INTS6L: variants seen among roughly 807,000 people sequenced by gnomAD.
The protein encoded by INTS6L is integrator complex subunit 6 like, also known as integrator complex subunit 6-like.
INTS6L carries 18 observed loss-of-function variants against 64.7 expected under a neutral mutation model. The observed-to-expected ratio is 0.28, with a 90% CI of 0.19 to 0.41. The LOEUF (loss-of-function observed/expected upper bound fraction) is 0.41. Ranked by LOEUF, INTS6L falls within the 10% of genes least tolerant of loss-of-function variation. The pLI is 1.00. For synonymous variants in INTS6L, 227 were observed against 235.9 expected, an observed-to-expected ratio of 0.96 and a Z score of 0.34; for missense variants, 533 against 661.0, an observed-to-expected ratio of 0.81 and a Z score of 2.12.
intron 2 of INTS6L, among the ~76,000 whole-genome samples, chrX:135,522,996 G>A (rs1556498632): frequency 1.8e-5 from 2 of 112,027 alleles, no homozygotes; most frequent in Admixed American, 9.5e-5. Flanking sequence ...GATAAGAACC[G>A]ACCATTTGTA....
At position 135,549,703 on chromosome X, in the gene INTS6L, T is replaced by C; in HGVS notation, c.804T>C (p.Cys268=). The change falls in exon 7 of 18, where the codon TGT becomes TGC. Residue 268 remains cysteine, a synonymous_variant. Coordinates refer to ENST00000639893, the MANE Select transcript of INTS6L (RefSeq NM_001351601.3). ...TTGCTGCTCAGCCATGGCATAGTTGTCATAAACTCATTTATGTACGACCTA... is the reference window on the plus strand; with the variant it reads ...TTGCTGCTCAGCCATGGCATAGTTGCCATAAACTCATTTATGTACGACCTA... The part of the protein sequence containing the change: ...NSFAAQPWHS[C]HKLIYVRPNS... 1 of 1,211,456 alleles carries C rather than the reference T, an allele frequency of 8.3e-7. No homozygotes were observed. The highest frequency in any genetic ancestry group is 1.1e-6 in the Non-Finnish European group (1 of 894,909).
intron 9 of INTS6L, among the ~76,000 whole-genome samples, chrX:135,567,816 A>G (rs1556525522): frequency 8.9e-6 from 1 of 112,116 alleles, no homozygotes; most frequent in Admixed American, 9.5e-5. Flanking sequence ...TTAACAAAAG[A>G]CCTACATTTT....
chrX:135,550,549 C>A (rs1324556959), intron 7 of INTS6L, among the ~76,000 whole-genome samples: 1 of 110,403 alleles, frequency 9.1e-6, no homozygotes, highest in African/African-American at 3.3e-5. Flanking sequence ...AGTAATCTCC[C>A]TTGTGTGGGC....
In INTS6L at chrX:135,520,688, G is replaced by A. The variant is rs1556495345; in HGVS notation, c.-305G>A. The A allele has an allele frequency of 9.8e-6, 3 of 307,370 alleles. No homozygotes were observed. The highest frequency in any genetic ancestry group is 1.7e-5 in the Non-Finnish European group (3 of 174,043). The allele number at this position is 307,370 out of a possible 1,213,427, so 25.3% of individuals were successfully genotyped here. A position where few individuals can be genotyped will look rare whatever the true frequency, so the allele number is the denominator to read the frequency against. The stretch of plus-strand genomic sequence containing the variant: ...CTGGGGCGAGCGCTCTAGTGAGCGC[G>A]GACGGATGCTTAGGCAGTAGTCCTG... On this transcript the variant is annotated 5_prime_UTR_variant, in exon 1 of 18. Coordinates refer to ENST00000639893, the MANE Select transcript of INTS6L (RefSeq NM_001351601.3).
At chrX:135,575,785 A>ATT (rs1556530510) in intron 14 of INTS6L, among the ~76,000 whole-genome samples, 3 of 99,823 alleles carry the variant, frequency 3.0e-5, no homozygotes, top group African/African-American at 1.1e-4. Flanking sequence ...AAATGTGGGG[A>ATT]GTGTGTGTGT....
chrX:135,546,460 T>C lies in INTS6L; in HGVS notation c.420T>C (p.Val140=). 8.6e-7 allele frequency: 1 copy of C among 1,168,631 alleles called. No individual in the cohort carries two copies. Among genetic ancestry groups the C allele is most frequent in the South Asian group, 2.0e-5 (1 of 49,979 alleles). Residue 140 remains valine, a synonymous_variant, in exon 4 of 18, where the codon GTT becomes GTC. Transcript: ENST00000639893. Reference sequence around the variant, plus strand: ...ACAAGTTAACAAGTACTGCTGGTGTTCAAGAAGAGGTGAGATTTTATTTTT... The same window carrying C: ...ACAAGTTAACAAGTACTGCTGGTGTCCAAGAAGAGGTGAGATTTTATTTTT... ...DGNKLTSTAG[V]QEELHLPLNS... is the part of the protein sequence containing the mutation.
At chrX:135,531,036 T>A (rs1235905987) in intron 2 of INTS6L, among the ~76,000 whole-genome samples, 3 of 112,351 alleles carry the variant, frequency 2.7e-5, no homozygotes, top group Non-Finnish European at 5.6e-5. Context: ...AGGATTTGAA[T>A]GCAATTGAAC....
intron 2 of INTS6L, among the ~76,000 whole-genome samples, chrX:135,529,724 G>C (rs2085851830): frequency 1.8e-5 from 2 of 112,050 alleles, no homozygotes; most frequent in Admixed American, 1.9e-4. Flanking sequence ...CTGTATTTCA[G>C]ATATGATTTG....
intron 2 of INTS6L, among the ~76,000 whole-genome samples, chrX:135,542,507 GAAAGAA>G (rs1215406088): frequency 4.7e-5 from 5 of 107,157 alleles, no homozygotes; most frequent in Non-Finnish European, 9.6e-5. Flanking sequence ...CAAAAAAAAG[GAAAGAA>G]AAAGAAAAAG....
At chrX:135,535,994 A>T (rs2086041332) in intron 2 of INTS6L, among the ~76,000 whole-genome samples, 1 of 112,437 alleles carries the variant, frequency 8.9e-6, no homozygotes, top group South Asian at 3.7e-4. Context: ...GTTTTCCTTC[A>T]TTCATTGTGA....
chrX:135,547,741 C>T (rs1434817049), intron 6 of INTS6L, among the ~76,000 whole-genome samples: 9 of 111,844 alleles, frequency 8.0e-5, no homozygotes, highest in African/African-American at 9.8e-5. Context: ...AGTATTTTCC[C>T]GGTCACTTTT....
chrX:135,540,705 G>GCCT (rs1288215147), intron 2 of INTS6L, among the ~76,000 whole-genome samples: 8 of 81,934 alleles, frequency 9.8e-5, no homozygotes, highest in African/African-American at 3.2e-4. Flanking sequence ...TACTATTCAA[G>GCCT]CCTCCTAGCT....
At chrX:135,562,512 G>A (rs987791104) in intron 9 of INTS6L, among the ~76,000 whole-genome samples, 1 of 111,803 alleles carries the variant, frequency 8.9e-6, no homozygotes, top group African/African-American at 3.2e-5. Flanking sequence ...GTGTTAAATT[G>A]TTCCTGTTGG....
intron 13 of INTS6L, 49 bp downstream of exon 13, chrX:135,574,111 C>A: frequency 2.6e-6 from 3 of 1,135,395 alleles, no homozygotes; most frequent in Non-Finnish European, 3.5e-6. Context: ...AAATGCCAGG[C>A]ATGACTTACA....
intron 2 of INTS6L, among the ~76,000 whole-genome samples, chrX:135,521,770 A>C (rs5974535): frequency 9.5e-6 from 1 of 104,925 alleles, no homozygotes; most frequent in East Asian, 3.2e-4. Flanking sequence ...GGGGGGCCGG[A>C]CGGAGCCTGC....
chrX:135,537,437 G>C (rs782684976), intron 2 of INTS6L, among the ~76,000 whole-genome samples: 46 of 112,183 alleles, frequency 4.1e-4, no homozygotes, highest in African/African-American at 1.1e-3. Flanking sequence ...ACATAAGTCT[G>C]ATTTATATTA....
chrX:135,531,268 C>A (rs1385611062), intron 2 of INTS6L, among the ~76,000 whole-genome samples: 12 of 111,863 alleles, frequency 1.1e-4, no homozygotes, highest in African/African-American at 3.6e-4. Context: ...TCTGATAATT[C>A]TTTCTCTATC....
At chrX:135,527,523 G>A (rs2085773834) in intron 2 of INTS6L, among the ~76,000 whole-genome samples, 2 of 112,080 alleles carry the variant, frequency 1.8e-5, no homozygotes, top group Admixed American at 1.9e-4. Context: ...AATTGGAGGT[G>A]AGGGAGGAGG....
At chrX:135,534,765 C>T (rs1434486994) in intron 2 of INTS6L, among the ~76,000 whole-genome samples, 2 of 106,543 alleles carry the variant, frequency 1.9e-5, no homozygotes, top group African/African-American at 6.9e-5. Context: ...TCACTGTAGC[C>T]TTGAACTCCT....
Sources: allele counts gnomAD v4.1 joint callset (sites outside exome capture counted in the v4.1 genomes callset), GRCh38; gene constraint gnomAD v4.1.1; transcripts MANE v1.5; gene names NCBI Gene and HGNC (gene_info 2026-07-23, HGNC 2026-07-21).